The following CACNA1A variants were observed in gnomAD, a reference collection of about 807,000 sequenced individuals.
The protein encoded by CACNA1A is calcium voltage-gated channel subunit alpha1 A.
In CACNA1A, 57 loss-of-function variants were observed where a neutral mutation model predicts 262.4. The ratio of observed to expected loss-of-function variants is 0.22; its 90% CI spans 0.18 to 0.27. CACNA1A has a LOEUF of 0.27. Among genes scored for constraint, CACNA1A ranks in the 10% least tolerant of loss-of-function variants. CACNA1A has a pLI of 1.00. For missense variants in CACNA1A, 2,526 were observed against 3,562.8 expected (o/e 0.71, Z 7.41); for synonymous variants, 1,431 against 1,419.3 (o/e 1.01, Z -0.18).
intron 24 of CACNA1A, chr19:13,263,058 GT>G (rs2056774549): frequency 1.8e-6 from 1 of 542,464 alleles, no homozygotes; most frequent in Non-Finnish European, 3.3e-6. Context: ...TGGTCCCAGG[GT>G]TGGTTGAGGG....
At position 13,207,381 on chromosome 19, in the gene CACNA1A, G is replaced by A; in HGVS notation, c.7453C>T (p.Pro2485Ser). 1.9e-6 allele frequency: 3 copies of A among 1,545,998 alleles called. No individual in the cohort carries two copies. Among genetic ancestry groups the A allele is most frequent in the African/African-American group, 1.4e-5 (1 of 73,040 alleles). Residue 2485 changes from proline (P) to serine (S), a missense_variant, in exon 47 of 47, where the codon CCC (proline) becomes TCC (serine). Coordinates refer to ENST00000360228, the MANE Select transcript of CACNA1A (RefSeq NM_001127222.2). This position sits in a 1 kb window ranked among gnomAD's most constrained non-coding sequence, Gnocchi z 5.7. Reference protein sequence around the residue: ...GYYPAHGLARPRGPGSRKGLH... With the variant: ...GYYPAHGLARSRGPGSRKGLH... ...CCCTTCCTGGAGCCCGGCCCGCGGG[G>A]CCTGGCCAGTCCGTGCGCCGGGTAG...
At chr19:13,225,239 C>T (rs1163315093) in intron 37 of CACNA1A, 1 of 174,328 alleles carries the variant, frequency 5.7e-6, no homozygotes, top group African/African-American at 2.4e-5. Context: ...TTGGCCCAGA[C>T]CAGGACAGAG....
At chr19:13,373,159 A>C (rs1474123954) in intron 3 of CACNA1A, among the ~76,000 whole-genome samples, 1 of 152,150 alleles carries the variant, frequency 6.6e-6, no homozygotes, top group Non-Finnish European at 1.5e-5. Flanking sequence ...GGGATTTTTC[A>C]GTTTATTTTT....
chr19:13,231,678 C>T lies in CACNA1A; in HGVS notation c.5400+32G>A, dbSNP rs553256169. On this transcript the variant is annotated intron_variant, in intron 35 of 46. Coordinates refer to ENST00000360228, the MANE Select transcript of CACNA1A (RefSeq NM_001127222.2). The stretch of plus-strand genomic sequence containing the variant: ...TGAAAGGAAGCCAGGCTTAGGGAGC[C>T]CAGACGGCCCTCACAGTGTCCACAG... The T allele has an allele frequency of 1.9e-6, 3 of 1,596,136 alleles. No homozygotes were observed. In the Admixed American group the frequency reaches 5.3e-5, roughly 28 times the overall value.
At position 13,505,914 on chromosome 19, in the gene CACNA1A, G is replaced by A. The variant is rs764788379; in HGVS notation, c.293+18C>T. 1.2e-6 allele frequency: 2 copies of A among 1,609,184 alleles called. No homozygotes were observed. Among genetic ancestry groups the A allele is most frequent in the Non-Finnish European group, 8.5e-7 (1 of 1,177,648 alleles). On this transcript the variant is annotated intron_variant, in intron 1 of 46. Coordinates refer to ENST00000360228, the MANE Select transcript of CACNA1A (RefSeq NM_001127222.2). ...AGGGGGAGGCGCAGCTGCTGCTGGG[G>A]TTCGGGCAAAAGGATATGGCCATTC... is the stretch of plus-strand genomic sequence containing the variant.
At chr19:13,251,770 T>C (rs2056405369) in intron 30 of CACNA1A, among the ~76,000 whole-genome samples, 1 of 151,918 alleles carries the variant, frequency 6.6e-6, no homozygotes, top group African/African-American at 2.4e-5. Flanking sequence ...ATATTTATTT[T>C]TATTATTATT....
chr19:13,334,406 A>T lies in CACNA1A; in HGVS notation c.1170T>A (p.Asn390Lys), dbSNP rs768768744. The T allele has an allele frequency of 7.5e-6, 12 of 1,605,744 alleles. No individual in the cohort carries two copies. The highest frequency in any genetic ancestry group is 1.0e-5 in the Non-Finnish European group (12 of 1,172,366). Residue 390 changes from asparagine to lysine, a missense_variant, in exon 8 of 47, where the codon AAT (asparagine) becomes AAA (lysine). Asn to Lys is a moderately conservative substitution (Grantham distance 94). Around this residue, in one of 17 missense-constraint regions of CACNA1A, gnomAD observed 104 missense variants for 127.6 expected, o/e 0.81. Coordinates refer to ENST00000360228, the MANE Select transcript of CACNA1A (RefSeq NM_001127222.2). ...RRQQQIEREL[N>K]GYMEWISKAE... ...CTTTTGAGATCCACTCCATGTACCC[A>T]TTGAGCTCACGTTCAATCTGTTGTT...
At position 13,482,910 on chromosome 19, in the gene CACNA1A, GTCTC is replaced by G. The variant is rs372726752; in HGVS notation, c.293+23018_293+23021del. Among the ~76,000 whole-genome samples, 100 of 147,350 alleles carry G rather than the reference GTCTC, an allele frequency of 6.8e-4. No homozygotes were observed. In the East Asian group the frequency reaches 0.012, roughly 18 times the overall value. ...TGTGTGTGTGTCTTTGTGAGTCTCA[GTCTC>G]TCTCTGTCTCTGCCTCCTTCCTCTC... On this transcript the variant is annotated intron_variant, in intron 1 of 46. Coordinates refer to ENST00000360228, the MANE Select transcript of CACNA1A (RefSeq NM_001127222.2).
chr19:13,234,610 GC>G (rs938327979), intron 34 of CACNA1A, among the ~76,000 whole-genome samples: 18 of 151,968 alleles, frequency 1.2e-4, no homozygotes, highest in African/African-American at 4.1e-4. Context: ...GGATTCCTGG[GC>G]CCCCCACGAC....
intron 38 of CACNA1A, among the ~76,000 whole-genome samples, chr19:13,220,826 G>C (rs2055192556): frequency 6.6e-6 from 1 of 152,046 alleles, no homozygotes; most frequent in African/African-American, 2.4e-5. Context: ...GGGTCTCTCT[G>C]TGTTGGCCAG....
chr19:13,292,195 C>T (rs1368149617), intron 19 of CACNA1A, among the ~76,000 whole-genome samples: 1 of 152,144 alleles, frequency 6.6e-6, no homozygotes, highest in Non-Finnish European at 1.5e-5. Context: ...TATGGGGGAT[C>T]TGGGGCCAGC....
At chr19:13,245,434 A>G in intron 30 of CACNA1A, 169 bp from the exon 31 acceptor site, 1 of 620,834 alleles carries the variant, frequency 1.6e-6, no homozygotes, top group Middle Eastern at 3.3e-4. Flanking sequence ...ATCTGTGCTG[A>G]GTCTCCCTCC....
chr19:13,246,111 G>T (rs528487927), intron 30 of CACNA1A, among the ~76,000 whole-genome samples: 2 of 152,304 alleles, frequency 1.3e-5, no homozygotes, highest in East Asian at 1.9e-4. Context: ...CAGCATACTC[G>T]CAAAGAAAGG....
At chr19:13,244,956 C>T (rs1047409756) in intron 31 of CACNA1A, 2 of 581,328 alleles carry the variant, frequency 3.4e-6, no homozygotes, top group Non-Finnish European at 3.1e-6. Context: ...CCCCTCAGTG[C>T]TGGCCCTACA....
Position 13,283,400 on chromosome 19 carries a change from T to G in CACNA1A, c.3693-4A>C. ...GTAATGGCACAGGCGGCGAAGGCTG[T>G]TGGAGACAGATGGGCGTGCAGAGGT... is the stretch of plus-strand genomic sequence containing the variant. On this transcript the variant is annotated splice_polypyrimidine_tract_variant and splice_region_variant and intron_variant, in intron 21 of 46. Coordinates refer to ENST00000360228, the MANE Select transcript of CACNA1A (RefSeq NM_001127222.2). 6.2e-7 allele frequency: 1 copy of G among 1,613,872 alleles called. No individual in the cohort carries two copies. The highest frequency in any genetic ancestry group is 8.5e-7 in the Non-Finnish European group (1 of 1,179,812).
rs1486469232 is a variant in CACNA1A, at chr19:13,490,052, CT to C, written c.293+15879del. Among the ~76,000 whole-genome samples, 9 of 152,242 alleles carry C rather than the reference CT, an allele frequency of 5.9e-5. No homozygotes were observed. In the East Asian group the frequency reaches 1.7e-3, roughly 29 times the overall value. On this transcript the variant is annotated intron_variant, in intron 1 of 46. Transcript: ENST00000360228. ...GATTTTTGTCCGTGTGTTTATTTCTCTCTGTGTTTTGTCCATCTACGTCCCA... is the reference window on the plus strand; with the variant it reads ...GATTTTTGTCCGTGTGTTTATTTCTCCTGTGTTTTGTCCATCTACGTCCCA...
At chr19:13,447,822 C>T (rs2060843228) in intron 3 of CACNA1A, among the ~76,000 whole-genome samples, 1 of 152,206 alleles carries the variant, frequency 6.6e-6, no homozygotes, top group Admixed American at 6.5e-5. Context: ...AGCAAGTCTA[C>T]TCTTTCCAAC....
chr19:13,360,263 G>A (rs1013924468), intron 5 of CACNA1A, among the ~76,000 whole-genome samples: 8 of 66,272 alleles, frequency 1.2e-4, no homozygotes, highest in African/African-American at 6.6e-4. Context: ...GTGTGTGTGT[G>A]TGTATATATA....
At chr19:13,268,267 T>G (rs2056916439) in intron 24 of CACNA1A, among the ~76,000 whole-genome samples, 1 of 152,142 alleles carries the variant, frequency 6.6e-6, no homozygotes, top group South Asian at 2.1e-4. Flanking sequence ...ACCTAGCAGC[T>G]GGTCCTCTCG....
Sources: gnomAD v4.1 joint callset for allele counts (sites outside exome capture counted in the v4.1 genomes callset) on GRCh38, gnomAD v4.1.1 for gene constraint, gnomAD v4.1.1 regional missense constraint, Gnocchi (gnomAD v3.1) non-coding constraint, MANE v1.5 for transcripts, NCBI Gene and HGNC (gene_info 2026-07-23, HGNC 2026-07-21) for gene names.